Variants in STX2 observed in about 807,000 individuals in gnomAD.
STX2 encodes the protein syntaxin 2, also known as syntaxin-2.
A neutral mutation model predicts 40.6 loss-of-function variants in STX2; 27 were observed. The observed-to-expected ratio is 0.66, with a 90% CI of 0.49 to 0.92. The LOEUF is 0.92. Ranked by LOEUF, STX2 falls within the 40% of genes least tolerant of loss-of-function variation. The pLI is 0.00. For missense variants in STX2, 328 were observed against 366.1 expected (o/e 0.90, Z 0.85); for synonymous variants, 123 against 119.1 (o/e 1.03, Z -0.22).
chr12:130,802,556 G>A (rs558119208), intron 6 of STX2, among the ~76,000 whole-genome samples: 1 of 152,162 alleles, frequency 6.6e-6, no homozygotes, highest in Non-Finnish European at 1.5e-5. Flanking sequence ...GGAGTGTAGT[G>A]GTGCAATCTC....
chr12:130,813,119 A>G, intron 3 of STX2, 88 bp from the exon 4 acceptor site: 2 of 810,656 alleles, frequency 2.5e-6, no homozygotes, highest in South Asian at 5.5e-5. Context: ...TAAGTGAAAC[A>G]GTATCCTTAG....
chr12:130,830,249 ACCC>A (rs2136350198), intron 1 of STX2, among the ~76,000 whole-genome samples: 1 of 152,254 alleles, frequency 6.6e-6, no homozygotes, highest in Admixed American at 6.5e-5. Context: ...AAGAGGCTGC[ACCC>A]ATCTCAATGC....
At chr12:130,838,764 G>T (rs1049277834) in intron 1 of STX2, among the ~76,000 whole-genome samples, 1 of 152,082 alleles carries the variant, frequency 6.6e-6, no homozygotes, top group Non-Finnish European at 1.5e-5. Flanking sequence ...AGAGGGGGTC[G>T]AGGCCGGGAC....
chr12:130,790,130 G>A lies in STX2; in HGVS notation c.*1893C>T, dbSNP rs979697832. On this transcript the variant is annotated 3_prime_UTR_variant, in exon 11 of 11. Transcript: ENST00000392373. ...ACCTTCAACATAGCCACAAATCAGT[G>A]AGCACATCCCACGACAGGGTGTTTA... is the stretch of plus-strand genomic sequence containing the variant. 2.0e-5 allele frequency: 3 copies of A among 152,144 alleles called. No individual in the cohort carries two copies. Among genetic ancestry groups the A allele is most frequent in the Non-Finnish European group, 4.4e-5 (3 of 68,058 alleles). The allele number at this position is 152,144 out of a possible 1,614,324, so 9.4% of individuals were successfully genotyped here. A position where few individuals can be genotyped will look rare whatever the true frequency, so the allele number is the denominator to read the frequency against.
chr12:130,833,420 T>C (rs934853164), intron 1 of STX2, among the ~76,000 whole-genome samples: 1 of 151,192 alleles, frequency 6.6e-6, no homozygotes, highest in African/African-American at 2.4e-5. Context: ...CTTTTTTTTT[T>C]TTTTTTTTGA....
Position 130,812,940 on chromosome 12 carries a change from TA to T in STX2, c.280+16del. 1 of 1,525,044 alleles carries T rather than the reference TA, an allele frequency of 6.6e-7. No individual in the cohort carries two copies. Among genetic ancestry groups the T allele is most frequent in the Non-Finnish European group, 8.9e-7 (1 of 1,127,926 alleles). The allele number at this position is 1,525,044 out of a possible 1,614,324, so 94.5% of individuals were successfully genotyped here. On this transcript the variant is annotated intron_variant, in intron 4 of 10. Transcript: ENST00000392373. ...TACTCCCAACATCAATAATTAAACA[TA>T]AAACTTCAAACTTACCCTTTAACTT... is the stretch of plus-strand genomic sequence containing the variant.
chr12:130,798,643 CA>C lies in STX2; in HGVS notation c.676-9del, dbSNP rs1204315597. 1 of 1,572,498 alleles carries C rather than the reference CA, an allele frequency of 6.4e-7. No homozygotes were observed. The highest frequency in any genetic ancestry group is 8.6e-7 in the Non-Finnish European group (1 of 1,164,464). On this transcript the variant is annotated splice_polypyrimidine_tract_variant and intron_variant, in intron 8 of 10. Transcript: ENST00000392373. Reference sequence around the variant, plus strand: ...GTTGTTGATCATTTCACCCTTAAAACAAAAAGTTTCAAACTTAGAAGACATT... The same window carrying C: ...GTTGTTGATCATTTCACCCTTAAAACAAAAGTTTCAAACTTAGAAGACATT...
intron 1 of STX2, among the ~76,000 whole-genome samples, chr12:130,828,109 A>G (rs1201352173): frequency 6.6e-6 from 1 of 152,204 alleles, no homozygotes; most frequent in East Asian, 1.9e-4. Flanking sequence ...CTCCATCAGA[A>G]GACCCTAAGG....
At chr12:130,808,764 G>A (rs1470145161) in intron 4 of STX2, 60 bp from the exon 5 acceptor site, 6 of 1,385,224 alleles carry the variant, frequency 4.3e-6, no homozygotes, top group Admixed American at 2.0e-5. Flanking sequence ...TTCCAAGCCT[G>A]ACTTCAAATT....
intron 9 of STX2, among the ~76,000 whole-genome samples, chr12:130,796,852 C>G (rs1204794669): frequency 6.6e-6 from 1 of 152,116 alleles, no homozygotes; most frequent in African/African-American, 2.4e-5. Flanking sequence ...TTCACTGCTC[C>G]TGACATAGCA....
Position 130,796,046 on chromosome 12 carries a change from G to T in STX2, c.861C>A (p.Gly287=). Reference sequence around the variant, plus strand: ...ACTGACGTTATCCACACCATCATTTGCCAACTGACAAGCCAATAATTAGAG... The same window carrying T: ...ACTGACGTTATCCACACCATCATTTTCCAACTGACAAGCCAATAATTAGAG... ...IIALIIGLSV[G]K The change falls in exon 10 of 11, where the codon GGC becomes GGA. Residue 287 remains glycine (G), a synonymous_variant. Transcript: ENST00000392373. 2 of 1,614,120 alleles carry T rather than the reference G, an allele frequency of 1.2e-6. No homozygotes were observed. Among genetic ancestry groups the T allele is most frequent in the Non-Finnish European group, 1.7e-6 (2 of 1,180,010 alleles).
Position 130,791,490 on chromosome 12 carries a change from C to A in STX2, c.*533G>T, listed in dbSNP as rs1405595651. On this transcript the variant is annotated 3_prime_UTR_variant, in exon 11 of 11. Coordinates refer to ENST00000392373, the MANE Select transcript of STX2 (RefSeq NM_194356.4). ...GCAGTGAGCTGAGATCGCACCACTG[C>A]ACTCCAGCCTGGATGACAAAGCGAG... 3 of 151,400 alleles carry A rather than the reference C, an allele frequency of 2.0e-5. No homozygotes were observed. The highest frequency in any genetic ancestry group is 4.4e-5 in the Non-Finnish European group (3 of 68,712). 9.4% of individuals were successfully genotyped at this position (151,400 alleles called of 1,614,324 possible).
In STX2 at chr12:130,808,562, T is replaced by A. The variant is rs1364685162; in HGVS notation, c.354+69A>T. 3 of 1,304,208 alleles carry A rather than the reference T, an allele frequency of 2.3e-6. No homozygotes were observed. In the East Asian group the frequency reaches 7.0e-5, roughly 30 times the overall value. 80.8% of individuals were successfully genotyped at this position (1,304,208 alleles called of 1,614,324 possible). On this transcript the variant is annotated intron_variant, in intron 5 of 10. Coordinates refer to ENST00000392373, the MANE Select transcript of STX2 (RefSeq NM_194356.4). Reference sequence around the variant, plus strand: ...ACAGTAAAGATGAAATTATTCAGAGTCTGCAAGAAGAAAGTAAAAACACTT... The same window carrying A: ...ACAGTAAAGATGAAATTATTCAGAGACTGCAAGAAGAAAGTAAAAACACTT...
chr12:130,834,415 C>T (rs1363740857), intron 1 of STX2, among the ~76,000 whole-genome samples: 1 of 150,844 alleles, frequency 6.6e-6, no homozygotes, highest in Non-Finnish European at 1.5e-5. Context: ...GGGAGAAGTC[C>T]AGTGGTTCAG....
At chr12:130,825,837 T>C (rs2136332052) in intron 2 of STX2, among the ~76,000 whole-genome samples, 1 of 152,284 alleles carries the variant, frequency 6.6e-6, no homozygotes. Context: ...GCAATGAAGG[T>C]TCCGTCATTA....
intron 2 of STX2, among the ~76,000 whole-genome samples, chr12:130,823,027 G>A (rs1310783887): frequency 2.0e-5 from 3 of 152,164 alleles, no homozygotes; most frequent in African/African-American, 7.2e-5. Flanking sequence ...TATAGGCCAG[G>A]CACAGTGGCT....
chr12:130,827,332 A>G, intron 1 of STX2, 65 bp from the exon 2 acceptor site: 1 of 1,324,336 alleles, frequency 7.6e-7, no homozygotes, highest in Non-Finnish European at 1.1e-6. Flanking sequence ...AGCGAACTGA[A>G]ATACAAAAAC....
intron 3 of STX2, among the ~76,000 whole-genome samples, chr12:130,813,964 G>C (rs1951757376): frequency 6.6e-6 from 1 of 152,182 alleles, no homozygotes. Context: ...AGACAACTTG[G>C]CCAAGAATGA....
chr12:130,795,966 A>G (rs1951016105), intron 10 of STX2, 29 bp downstream of exon 10: 5 of 1,582,666 alleles, frequency 3.2e-6, no homozygotes, highest in Admixed American at 1.9e-5. Flanking sequence ...GCAAAAGTTA[A>G]TAAGTAAATT....
Sources: allele counts gnomAD v4.1 joint callset (sites outside exome capture counted in the v4.1 genomes callset), GRCh38; gene constraint gnomAD v4.1.1; transcripts MANE v1.5; gene names NCBI Gene and HGNC (gene_info 2026-07-23, HGNC 2026-07-21).